LDLRAP1: variants seen among roughly 807,000 people sequenced by gnomAD.
LDLRAP1 encodes low density lipoprotein receptor adapter protein 1.
LDLRAP1 carries 30 observed loss-of-function variants against 37.8 expected under a neutral mutation model. That is an observed-to-expected ratio of 0.79 (90% CI 0.59 to 1.08). LDLRAP1 has a LOEUF of 1.08. Among genes scored for constraint, LDLRAP1 ranks in the 50% least tolerant of loss-of-function variants. LDLRAP1 has a pLI of 0.00. For missense variants in LDLRAP1, 375 were observed against 401.6 expected (o/e 0.93, Z 0.57); for synonymous variants, 156 against 169.8 (o/e 0.92, Z 0.63).
At chr1:25,588,430 T>C in the LDLRAP1 span, among the ~76,000 whole-genome samples, 1 of 152,202 alleles carries the variant, frequency 6.6e-6, no homozygotes, top group Non-Finnish European at 1.5e-5. Context: ...AAAACTGCCT[T>C]AGGGCTGGAG....
intron 7 of LDLRAP1, 109 bp from the exon 8 acceptor site, chr1:25,565,064 G>C: frequency 8.0e-7 from 1 of 1,252,238 alleles, no homozygotes; most frequent in East Asian, 2.3e-5. Context: ...CGCCCACCCT[G>C]AGCTTGTGTC....
rs557522926 is a variant in LDLRAP1, at chr1:25,554,615, C to T, written c.232-245C>T. ...GTAAGTCCCTTAGCCTCTCTGAGTC[C>T]ATCTCTGGGGAGAGGGAGGATGACT... On this transcript the variant is annotated intron_variant, in intron 2 of 8. Coordinates refer to ENST00000374338, the MANE Select transcript of LDLRAP1 (RefSeq NM_015627.3). The surrounding 1 kb of genome is among the most constrained non-coding windows in gnomAD (Gnocchi z 5.4). Among the ~76,000 whole-genome samples, 3 of 152,344 alleles carry T rather than the reference C, an allele frequency of 2.0e-5. No individual in the cohort carries two copies. The highest frequency in any genetic ancestry group is 7.2e-5 in the African/African-American group (3 of 41,576).
Position 25,543,624 on chromosome 1 carries a change from G to T in LDLRAP1, c.-75G>T, listed in dbSNP as rs887610609. The T allele has an allele frequency of 1.0e-5, 11 of 1,062,746 alleles. No individual in the cohort carries two copies. The East Asian group carries it at 3.6e-4, about 35-fold the overall frequency. 65.8% of individuals were successfully genotyped at this position (1,062,746 alleles called of 1,614,324 possible). On this transcript the variant is annotated 5_prime_UTR_variant, in exon 1 of 9. Transcript: ENST00000374338. ...GAGGGGAGGAGCGCGCAGCCCGCGC[G>T]CCGCAGGGCCGGGCGGAAAGTTTTT...
At chr1:25,586,144 G>T in the LDLRAP1 span, among the ~76,000 whole-genome samples, 1 of 152,202 alleles carries the variant, frequency 6.6e-6, no homozygotes, top group African/African-American at 2.4e-5. This position sits in a 1 kb window ranked among gnomAD's most constrained non-coding sequence, Gnocchi z 4.3. Context: ...ACTAATTGTA[G>T]GCAATGTGGA....
At chr1:25,553,652 G>C (rs185728888) in intron 1 of LDLRAP1, 1 of 456,308 alleles carries the variant, frequency 2.2e-6, no homozygotes, top group Non-Finnish European at 4.0e-6. Flanking sequence ...AGGAGTTCGA[G>C]ACCAGCTACT....
At chr1:25,586,102 T>C in the LDLRAP1 span, among the ~76,000 whole-genome samples, 14 of 152,140 alleles carry the variant, frequency 9.2e-5, no homozygotes, top group East Asian at 3.9e-4. The surrounding 1 kb of genome is among the most constrained non-coding windows in gnomAD (Gnocchi z 4.3). Flanking sequence ...CCATCATCTT[T>C]CCAGGGGTCT....
chr1:25,585,920 C>T, the LDLRAP1 span, among the ~76,000 whole-genome samples: 6 of 152,232 alleles, frequency 3.9e-5, no homozygotes, highest in African/African-American at 1.2e-4. Context: ...GTGTGACTCT[C>T]GGTCAGATTC....
chr1:25,555,058 T>C lies in LDLRAP1; in HGVS notation c.344+86T>C, dbSNP rs767729272. 3 of 965,040 alleles carry C rather than the reference T, an allele frequency of 3.1e-6. No individual in the cohort carries two copies. Among genetic ancestry groups the C allele is most frequent in the Non-Finnish European group, 5.0e-6 (3 of 601,950 alleles). 59.8% of individuals were successfully genotyped at this position (965,040 alleles called of 1,614,324 possible). ...CCATCTGAATCCAGGCTCTACCACT[T>C]CCTACCTGGGTGACATTGGAGCCTC... On this transcript the variant is annotated intron_variant, in intron 3 of 8. Coordinates refer to ENST00000374338, the MANE Select transcript of LDLRAP1 (RefSeq NM_015627.3). The surrounding 1 kb of genome is among the most constrained non-coding windows in gnomAD (Gnocchi z 4.7).
chr1:25,550,378 C>T (rs1022880350), intron 1 of LDLRAP1, among the ~76,000 whole-genome samples: 21 of 152,124 alleles, frequency 1.4e-4, no homozygotes, highest in African/African-American at 5.1e-4. Flanking sequence ...CTGTTAACCA[C>T]GAGGCTATAT....
At chr1:25,548,006 T>C (rs1360429006) in intron 1 of LDLRAP1, among the ~76,000 whole-genome samples, 2 of 152,198 alleles carry the variant, frequency 1.3e-5, no homozygotes, top group African/African-American at 4.8e-5. Context: ...TCAGATACTC[T>C]TTTTGAGCAG....
chr1:25,566,632 G>A (rs1171394866), intron 8 of LDLRAP1, among the ~76,000 whole-genome samples: 1 of 148,274 alleles, frequency 6.7e-6, no homozygotes, highest in African/African-American at 2.5e-5. Context: ...GGCCTCTCCC[G>A]GGGGTGGGTG....
At chr1:25,565,509 C>T (rs940511181) in intron 8 of LDLRAP1, among the ~76,000 whole-genome samples, 2 of 151,816 alleles carry the variant, frequency 1.3e-5, no homozygotes, top group African/African-American at 4.8e-5. Context: ...AGTTGATTTC[C>T]TCCGACTTGA....
the LDLRAP1 span, among the ~76,000 whole-genome samples, chr1:25,579,339 C>T: frequency 6.6e-6 from 1 of 152,160 alleles, no homozygotes; most frequent in African/African-American, 2.4e-5. Context: ...AGGCCAAATG[C>T]GTCCCACACC....
At chr1:25,575,764 G>T in the LDLRAP1 span, among the ~76,000 whole-genome samples, 1 of 152,192 alleles carries the variant, frequency 6.6e-6, no homozygotes, top group African/African-American at 2.4e-5. Flanking sequence ...TGGGCTAAGA[G>T]CTTTACACAA....
chr1:25,543,918 T>G, intron 1 of LDLRAP1, 132 bp downstream of exon 1: 5 of 484,010 alleles, frequency 1.0e-5, no homozygotes, highest in Non-Finnish European at 1.6e-5. Context: ...GGCGTGGCCC[T>G]TTCCCGGCCC....
chr1:25,563,895 C>A, intron 7 of LDLRAP1, 104 bp downstream of exon 7: 2 of 1,506,310 alleles, frequency 1.3e-6, no homozygotes, highest in Non-Finnish European at 1.8e-6. Context: ...ACTTGTGGGC[C>A]TCTGGGAGGA....
At chr1:25,546,480 C>A (rs886999735) in intron 1 of LDLRAP1, among the ~76,000 whole-genome samples, 1 of 152,200 alleles carries the variant, frequency 6.6e-6, no homozygotes, top group Admixed American at 6.5e-5. Flanking sequence ...AGAGGGCTCT[C>A]TTCCTCTCCC....
the LDLRAP1 span, among the ~76,000 whole-genome samples, chr1:25,583,551 G>T: frequency 6.6e-6 from 1 of 152,062 alleles, no homozygotes; most frequent in Non-Finnish European, 1.5e-5. Flanking sequence ...TATGCTAGGT[G>T]TAGATTTGTT....
chr1:25,561,657 C>T (rs1465002766), intron 4 of LDLRAP1, among the ~76,000 whole-genome samples: 1 of 152,130 alleles, frequency 6.6e-6, no homozygotes, highest in Non-Finnish European at 1.5e-5. Context: ...AGCTGATTAA[C>T]CCTGGACTGG....
Sources: gnomAD v4.1 joint callset for allele counts (sites outside exome capture counted in the v4.1 genomes callset) on GRCh38, gnomAD v4.1.1 for gene constraint, Gnocchi (gnomAD v3.1) non-coding constraint, MANE v1.5 for transcripts, NCBI Gene and HGNC (gene_info 2026-07-23, HGNC 2026-07-21) for gene names.